The following DNAH8 variants were observed in gnomAD, a reference collection of about 807,000 sequenced individuals.
DNAH8 encodes axonemal beta dynein heavy chain 8.
A neutral mutation model predicts 562.1 loss-of-function variants in DNAH8; 382 were observed. That is an observed-to-expected ratio of 0.68 (90% CI 0.63 to 0.74). The LOEUF (loss-of-function observed/expected upper bound fraction) is 0.74, where lower values mean the gene tolerates loss of function less well. Ranked by LOEUF, DNAH8 falls within the 30% of genes least tolerant of loss-of-function variation. The pLI, the probability that DNAH8 is intolerant of heterozygous loss-of-function variation, is 0.00. For synonymous variants in DNAH8, 1,881 were observed against 1,919.4 expected, an observed-to-expected ratio of 0.98 and a Z score of 0.52; for missense variants, 5,203 against 5,620.4, an observed-to-expected ratio of 0.93 and a Z score of 2.37.
At chr6:38,738,867 C>A (rs1180699981) in intron 7 of DNAH8, among the ~76,000 whole-genome samples, 1 of 152,140 alleles carries the variant, frequency 6.6e-6, no homozygotes, top group African/African-American at 2.4e-5. Flanking sequence ...CTTGCAGCCA[C>A]CGTGCCCAGC....
chr6:38,979,836 A>G (rs2150708120), intron 85 of DNAH8, among the ~76,000 whole-genome samples: 1 of 152,254 alleles, frequency 6.6e-6, no homozygotes, highest in East Asian at 1.9e-4. Context: ...CTAATTGAAC[A>G]TTAAAATTTA....
chr6:38,769,604 A>C (rs58192035), intron 11 of DNAH8, among the ~76,000 whole-genome samples: 8 of 152,140 alleles, frequency 5.3e-5, no homozygotes, highest in Admixed American at 3.3e-4. Context: ...ACGGCCCCCA[A>C]AGATGTCTGT....
chr6:39,030,093 T>G lies in DNAH8; in HGVS notation c.13837-12T>G. The G allele has an allele frequency of 6.2e-7, 1 of 1,606,058 alleles. No individual in the cohort carries two copies. Among genetic ancestry groups the G allele is most frequent in the Non-Finnish European group, 8.5e-7 (1 of 1,174,488 alleles). On this transcript the variant is annotated splice_polypyrimidine_tract_variant and intron_variant, in intron 92 of 92. Transcript: ENST00000327475. Reference sequence around the variant, plus strand: ...AAAATAAATCCTATTACCTTATGCTTGACTCTTCCAGGAAGGTGTGTATAT... The same window carrying G: ...AAAATAAATCCTATTACCTTATGCTGGACTCTTCCAGGAAGGTGTGTATAT...
In DNAH8 at chr6:38,723,052, GA is replaced by G. The variant is rs762675213; in HGVS notation, c.245del (p.Asn82IlefsTer15). 1 of 1,612,924 alleles carries G rather than the reference GA, an allele frequency of 6.2e-7. No individual in the cohort carries two copies. Among genetic ancestry groups the G allele is most frequent in the South Asian group, 1.1e-5 (1 of 91,080 alleles). On this transcript the variant is annotated frameshift_variant, in exon 2 of 93. Coordinates refer to ENST00000327475, the MANE Select transcript of DNAH8 (RefSeq NM_001206927.2). LOFTEE classifies it high-confidence loss of function. ...TTCCAGATGATCATGAAGCGGATCT[GA>G]ATAGAGTTCGACAGAGGCTTGCACC... Reference protein sequence around the residue: ...VLPDDHEADLNRVRQRLAPRP... With the variant: ...VLPDDHEADLXRVRQRLAPRP...
chr6:38,950,103 C>T (rs1330718749), intron 81 of DNAH8, among the ~76,000 whole-genome samples: 2 of 151,904 alleles, frequency 1.3e-5, no homozygotes, highest in African/African-American at 4.8e-5. Flanking sequence ...AGAAGAAAAT[C>T]GCCCTCTCTT....
intron 82 of DNAH8, among the ~76,000 whole-genome samples, chr6:38,961,398 T>C (rs527783534): frequency 4.7e-4 from 72 of 152,016 alleles, no homozygotes; most frequent in Admixed American, 6.6e-4. Context: ...AACATCACAC[T>C]GTACCCATAA....
intron 39 of DNAH8, 133 bp downstream of exon 39, chr6:38,851,807 C>G (rs369136247): frequency 1.5e-6 from 1 of 678,680 alleles, no homozygotes. Context: ...CATAAAATTT[C>G]ATATTTTCTG....
intron 9 of DNAH8, among the ~76,000 whole-genome samples, chr6:38,755,045 C>A (rs1765787100): frequency 6.6e-6 from 1 of 152,088 alleles, no homozygotes; most frequent in Non-Finnish European, 1.5e-5. Context: ...CTCCTGGTAG[C>A]ATGTACATTT....
In DNAH8 at chr6:38,973,791, G is replaced by A. The variant is rs144808884; in HGVS notation, c.12656G>A (p.Arg4219Gln). 587 of 1,603,952 alleles carry A rather than the reference G, an allele frequency of 3.7e-4. 1 individual carries two copies. Among genetic ancestry groups the A allele is most frequent in the African/African-American group, 8.5e-4 (63 of 74,292 alleles). Residue 4219 changes from arginine (R) to glutamine (Q), a missense_variant, in exon 84 of 93, where the codon CGA (arginine) becomes CAA (glutamine). Physicochemically the swap from Arg to Gln is conservative, Grantham distance 43. Transcript: ENST00000327475. Reference sequence around the variant, plus strand: ...TGGATAACTACGGAGCCCCATGATCGATTTCCAATTACATTGCTTCAGGTT... The same window carrying A: ...TGGATAACTACGGAGCCCCATGATCAATTTCCAATTACATTGCTTCAGGTT... ...RVWITTEPHD[R>Q]FPITLLQTSL...
chr6:38,933,086 G>A (rs1170778195), intron 76 of DNAH8, among the ~76,000 whole-genome samples: 2 of 152,130 alleles, frequency 1.3e-5, no homozygotes, highest in African/African-American at 4.8e-5. Context: ...TGTTTCCATC[G>A]CCTCTCAGGA....
chr6:39,029,297 C>G (rs767164010), intron 92 of DNAH8, among the ~76,000 whole-genome samples: 62 of 152,204 alleles, frequency 4.1e-4, no homozygotes, highest in Non-Finnish European at 5.6e-4. Flanking sequence ...CAAACACAGC[C>G]CCCTGCTGCA....
chr6:38,831,687 A>C (rs1562935138), intron 30 of DNAH8, among the ~76,000 whole-genome samples: 1 of 152,108 alleles, frequency 6.6e-6, no homozygotes, highest in Non-Finnish European at 1.5e-5. Context: ...TGGTGGTGGG[A>C]CTTTGGAGAA....
At chr6:38,951,032 AGTGT>A (rs1283553861) in intron 81 of DNAH8, among the ~76,000 whole-genome samples, 1 of 152,126 alleles carries the variant, frequency 6.6e-6, no homozygotes, top group Non-Finnish European at 1.5e-5. Context: ...GGAGCTTCAG[AGTGT>A]GTGGCAGGTC....
Position 39,012,534 on chromosome 6 carries a change from C to T in DNAH8, c.13611C>T (p.Gly4537=). The T allele has an allele frequency of 1.9e-6, 3 of 1,613,884 alleles. No homozygotes were observed. The highest frequency in any genetic ancestry group is 2.5e-6 in the Non-Finnish European group (3 of 1,179,780). ...TGTCTTGGGATTCGTCCACACTGGG[C>T]TTCTGGTTCACTGAACTTTTGGAAA... is the stretch of plus-strand genomic sequence containing the variant. ...KRVSWDSSTL[G]FWFTELLERN... is the part of the protein sequence containing the mutation. The change falls in exon 91 of 93, where the codon GGC becomes GGT. Residue 4537 remains glycine, a synonymous_variant. Coordinates refer to ENST00000327475, the MANE Select transcript of DNAH8 (RefSeq NM_001206927.2).
At chr6:38,821,346 T>A (rs541147221) in intron 26 of DNAH8, among the ~76,000 whole-genome samples, 1 of 152,334 alleles carries the variant, frequency 6.6e-6, no homozygotes, top group Admixed American at 6.5e-5. Context: ...AGATACATCA[T>A]GCTCATGGGT....
chr6:38,851,149 G>A (rs966044464), intron 38 of DNAH8, among the ~76,000 whole-genome samples: 1 of 152,130 alleles, frequency 6.6e-6, no homozygotes. Context: ...ATCTCTATTT[G>A]AAATAGGGTG....
chr6:38,918,105 T>G lies in DNAH8; in HGVS notation c.10489T>G (p.Phe3497Val), dbSNP rs773454848. 17 of 1,613,560 alleles carry G rather than the reference T, an allele frequency of 1.1e-5. No individual in the cohort carries two copies. Among genetic ancestry groups the G allele is most frequent in the Admixed American group, 3.3e-5 (2 of 59,954 alleles). Reference sequence around the variant, plus strand: ...GTCTTGGACACTTGCTATGGCAATATTTTATGGCATCAATAGAGAAGTGTT... The same window carrying G: ...GTCTTGGACACTTGCTATGGCAATAGTTTATGGCATCAATAGAGAAGTGTT... ...LLSWTLAMAIFYGINREVLPL... is the reference protein window; with the variant it reads ...LLSWTLAMAIVYGINREVLPL... Residue 3497 changes from phenylalanine to valine, a missense_variant, in exon 70 of 93, where the codon TTT (phenylalanine) becomes GTT (valine). By Grantham distance (50) the Phe-to-Val change is conservative. Around this residue, in one of 6 missense-constraint regions of DNAH8, gnomAD observed 1,399 missense variants for 1,518.4 expected, o/e 0.92. Coordinates refer to ENST00000327475, the MANE Select transcript of DNAH8 (RefSeq NM_001206927.2).
At chr6:38,751,980 T>C (rs2127596371) in intron 9 of DNAH8, among the ~76,000 whole-genome samples, 1 of 152,332 alleles carries the variant, frequency 6.6e-6, no homozygotes, top group South Asian at 2.1e-4. Context: ...TTTCATTCTC[T>C]ATGCACAATG....
rs117361437 is a variant in DNAH8 at position 38,923,502 on chromosome 6, T to A, written c.10790+317T>A. 750 of 209,638 alleles carry A rather than the reference T, an allele frequency of 3.6e-3. 11 individuals are homozygous for A. In the East Asian group the frequency reaches 0.047, roughly 13 times the overall value. 13.0% of individuals were successfully genotyped at this position (209,638 alleles called of 1,614,324 possible). Reference sequence around the variant, plus strand: ...GAAAGTGTGGATCAATGGTTTGTTGTGGATCAATGGTTTGTTGTAAATGCA... The same window carrying A: ...GAAAGTGTGGATCAATGGTTTGTTGAGGATCAATGGTTTGTTGTAAATGCA... On this transcript the variant is annotated intron_variant, in intron 72 of 92. Transcript: ENST00000327475.
Sources: allele counts gnomAD v4.1 joint callset (sites outside exome capture counted in the v4.1 genomes callset), GRCh38; gene constraint gnomAD v4.1.1; regional missense constraint gnomAD v4.1.1; transcripts MANE v1.5; gene names NCBI Gene and HGNC (gene_info 2026-07-23, HGNC 2026-07-21).